Variants in SUPT3H observed in about 807,000 individuals in gnomAD.
SUPT3H encodes transcription initiation protein SPT3 homolog.
In SUPT3H, 44 loss-of-function variants were observed where a neutral mutation model predicts 44.3. The observed-to-expected ratio is 0.99, with a 90% CI of 0.78 to 1.28. The LOEUF is 1.28. SUPT3H is among the 50% of genes most tolerant of loss of function. The pLI, the probability that SUPT3H is intolerant of heterozygous loss-of-function variation, is 0.00. For missense variants in SUPT3H, 380 were observed against 387.1 expected, an observed-to-expected ratio of 0.98 and a Z score of 0.15; for synonymous variants, 124 against 125.6, an observed-to-expected ratio of 0.99 and a Z score of 0.09.
In SUPT3H at chr6:44,996,120, G is replaced by A. The variant is rs547251832; in HGVS notation, c.504+7533C>T. Among the ~76,000 whole-genome samples, 22 of 151,812 alleles carry A rather than the reference G, an allele frequency of 1.4e-4. No individual in the cohort carries two copies. The East Asian group carries it at 4.1e-3, about 28-fold the overall frequency. On this transcript the variant is annotated intron_variant, in intron 6 of 10. Coordinates refer to ENST00000371459, the MANE Select transcript of SUPT3H (RefSeq NM_003599.4). ...AAATTACCAAATGTAGGTCTACTAG[G>A]CTGCAGTATATTAATGCTTCTAATG...
chr6:44,949,409 T>G (rs1054430858), intron 9 of SUPT3H, among the ~76,000 whole-genome samples: 4 of 149,862 alleles, frequency 2.7e-5, no homozygotes, highest in Non-Finnish European at 5.9e-5. Context: ...ATTAAAAAAA[T>G]AAATAAATGC....
chr6:45,333,197 A>C (rs898582705), intron 2 of SUPT3H, among the ~76,000 whole-genome samples: 1 of 151,654 alleles, frequency 6.6e-6, no homozygotes, highest in African/African-American at 2.4e-5. Flanking sequence ...AAAGATTATG[A>C]AATTCACTGG....
intron 2 of SUPT3H, among the ~76,000 whole-genome samples, chr6:45,319,275 A>T (rs1406224296): frequency 6.6e-6 from 1 of 152,168 alleles, no homozygotes; most frequent in East Asian, 1.9e-4. Flanking sequence ...GGAGGTACAA[A>T]CAATCACTTT....
intron 2 of SUPT3H, among the ~76,000 whole-genome samples, chr6:45,125,177 A>C (rs181615495): frequency 7.9e-5 from 12 of 152,310 alleles, no homozygotes; most frequent in Admixed American, 7.8e-4. Flanking sequence ...TTGTTATAGA[A>C]GCCCTAGGAA....
In SUPT3H at chr6:44,984,670, G is replaced by A. The variant is rs141770252; in HGVS notation, c.504+18983C>T. ...CTCCCAATGAAATAAAACTCCCATCGCAACTTTGCTTCAGCATCCTGACAA... is the reference window on the plus strand; with the variant it reads ...CTCCCAATGAAATAAAACTCCCATCACAACTTTGCTTCAGCATCCTGACAA... On this transcript the variant is annotated intron_variant, in intron 6 of 10. Coordinates refer to ENST00000371459, the MANE Select transcript of SUPT3H (RefSeq NM_003599.4). Among the ~76,000 whole-genome samples the A allele has an allele frequency of 1.2e-4, 18 of 152,200 alleles. No individual in the cohort carries two copies. The East Asian group carries it at 2.5e-3, about 21-fold the overall frequency.
intron 6 of SUPT3H, among the ~76,000 whole-genome samples, chr6:44,975,352 T>C (rs1002929305): frequency 1.3e-5 from 2 of 152,074 alleles, no homozygotes; most frequent in Non-Finnish European, 2.9e-5. Context: ...AACCAACAAC[T>C]GAATAAAGAA....
chr6:44,892,546 C>T (rs191128524), intron 10 of SUPT3H, among the ~76,000 whole-genome samples: 1 of 152,216 alleles, frequency 6.6e-6, no homozygotes, highest in African/African-American at 2.4e-5. Context: ...ACAAAGTCTA[C>T]AGTTAAACAT....
chr6:44,828,468 T>TTGAG lies in SUPT3H; in HGVS notation c.*1344_*1347dup, dbSNP rs1307331273. 6.6e-6 allele frequency among the ~76,000 whole-genome samples: 1 copy of TTGAG among 152,176 alleles called. No homozygotes were observed. Among genetic ancestry groups the TTGAG allele is most frequent in the Non-Finnish European group, 1.5e-5 (1 of 68,006 alleles). ...AATATTAACTGAGCCTCATAATTCT[T>TTGAG]TGAGTCTGATGGTTTTCAAATAAAA... On this transcript the variant is annotated 3_prime_UTR_variant, in exon 11 of 11. Transcript: ENST00000371459.
At chr6:45,170,688 T>C (rs1810623703) in intron 2 of SUPT3H, among the ~76,000 whole-genome samples, 1 of 152,218 alleles carries the variant, frequency 6.6e-6, no homozygotes, top group African/African-American at 2.4e-5. Flanking sequence ...GTAGAGTTCC[T>C]TGAATTTGTG....
rs1768289999 is a variant in SUPT3H, at chr6:44,829,851, A to G, written c.919T>C (p.Tyr307His). 2 of 1,613,218 alleles carry G rather than the reference A, an allele frequency of 1.2e-6. No individual in the cohort carries two copies. Among genetic ancestry groups the G allele is most frequent in the Non-Finnish European group, 1.7e-6 (2 of 1,179,232 alleles). Residue 307 changes from tyrosine (Y) to histidine (H), a missense_variant, in exon 11 of 11, where the codon TAC becomes CAC. Physicochemically the swap from Tyr to His is moderately conservative, Grantham distance 83. Coordinates refer to ENST00000371459, the MANE Select transcript of SUPT3H (RefSeq NM_003599.4). Reference protein sequence around the residue: ...IGPLSPFTNAYRRNGMAFLAC With the variant: ...IGPLSPFTNAHRRNGMAFLAC Reference sequence around the variant, plus strand: ...AGAAAAGCCATCCCATTCCTGCGGTAGGCATTCTGTCAAAGAAAAAGAAAT... The same window carrying G: ...AGAAAAGCCATCCCATTCCTGCGGTGGGCATTCTGTCAAAGAAAAAGAAAT...
At chr6:44,813,045 G>A (rs1050916744) in intron 11 of SUPT3H, among the ~76,000 whole-genome samples, 3 of 152,088 alleles carry the variant, frequency 2.0e-5, no homozygotes, top group African/African-American at 7.2e-5. Flanking sequence ...AGGGTTGAAG[G>A]GGCCTGGTAA....
At chr6:45,012,485 C>T (rs190141523) in intron 5 of SUPT3H, among the ~76,000 whole-genome samples, 8 of 152,002 alleles carry the variant, frequency 5.3e-5, no homozygotes, top group East Asian at 3.9e-4. Flanking sequence ...TCTTGAACTC[C>T]GTAATTTCTA....
At chr6:45,082,414 C>A (rs1326923709) in intron 3 of SUPT3H, among the ~76,000 whole-genome samples, 1 of 152,128 alleles carries the variant, frequency 6.6e-6, no homozygotes, top group African/African-American at 2.4e-5. Context: ...TACTAGCAAA[C>A]CAAGTCCAGC....
At chr6:45,226,809 G>A (rs572593408) in intron 2 of SUPT3H, among the ~76,000 whole-genome samples, 228 of 152,022 alleles carry the variant, frequency 1.5e-3, no homozygotes, top group African/African-American at 5.1e-3. Context: ...GATTACAGGC[G>A]TGAGCCACTG....
intron 3 of SUPT3H, among the ~76,000 whole-genome samples, chr6:45,057,080 C>G (rs1248001952): frequency 3.9e-5 from 6 of 152,020 alleles, no homozygotes; most frequent in African/African-American, 1.4e-4. Context: ...ATACAATTGT[C>G]TTTCTAAAAC....
At chr6:45,047,005 C>T (rs1384564713) in intron 3 of SUPT3H, among the ~76,000 whole-genome samples, 3 of 152,158 alleles carry the variant, frequency 2.0e-5, no homozygotes, top group African/African-American at 4.8e-5. Flanking sequence ...ATGTCACTGC[C>T]GGTATATAAA....
chr6:45,153,912 G>A (rs772716439), intron 2 of SUPT3H, among the ~76,000 whole-genome samples: 41 of 151,668 alleles, frequency 2.7e-4, no homozygotes, highest in Non-Finnish European at 5.2e-4. Flanking sequence ...TACTAAAAAT[G>A]CAAAAAAATT....
chr6:45,043,347 GAT>G (rs762706404), intron 3 of SUPT3H, among the ~76,000 whole-genome samples: 1 of 152,068 alleles, frequency 6.6e-6, no homozygotes, highest in Non-Finnish European at 1.5e-5. Flanking sequence ...TAGTGTCAGG[GAT>G]ATATGTACAG....
chr6:44,861,671 G>C (rs1207413310), intron 10 of SUPT3H, among the ~76,000 whole-genome samples: 2 of 152,058 alleles, frequency 1.3e-5, no homozygotes, highest in Admixed American at 6.6e-5. Context: ...ACAGATGTGA[G>C]CCACCACCAT....
Sources: gnomAD v4.1 joint callset for allele counts (sites outside exome capture counted in the v4.1 genomes callset) on GRCh38, gnomAD v4.1.1 for gene constraint, MANE v1.5 for transcripts, NCBI Gene and HGNC (gene_info 2026-07-23, HGNC 2026-07-21) for gene names.